TENM3: variants seen among roughly 807,000 people sequenced by gnomAD.
The protein encoded by TENM3 is teneurin transmembrane protein 3, also known as teneurin-3.
A neutral mutation model predicts 255.1 loss-of-function variants in TENM3; 63 were observed. The ratio of observed to expected loss-of-function variants is 0.25; its 90% CI spans 0.20 to 0.30. The LOEUF (loss-of-function observed/expected upper bound fraction) is 0.30, where lower values mean the gene tolerates loss of function less well. Ranked by LOEUF, TENM3 falls within the 10% of genes least tolerant of loss-of-function variation. The probability of loss-of-function intolerance (pLI) is 1.00; values close to 1 mark genes in which losing one functional copy is unlikely to be tolerated. For synonymous variants in TENM3, 1,306 were observed against 1,322.3 expected (o/e 0.99, Z 0.27); for missense variants, 2,929 against 3,461.1 (o/e 0.85, Z 3.86).
At chr4:181,531,712 G>T in the TENM3 span, among the ~76,000 whole-genome samples, 1 of 152,190 alleles carries the variant, frequency 6.6e-6, no homozygotes. Context: ...GAGAAGCCCA[G>T]GATGCTGTGG....
chr4:181,611,424 T>C, the TENM3 span, among the ~76,000 whole-genome samples: 3 of 152,206 alleles, frequency 2.0e-5, no homozygotes, highest in Non-Finnish European at 4.4e-5. Flanking sequence ...GTCAGACTTT[T>C]ATTCCTCCTC....
At chr4:182,027,351 G>T in the TENM3 span, among the ~76,000 whole-genome samples, 71 of 152,132 alleles carry the variant, frequency 4.7e-4, no homozygotes, top group Middle Eastern at 0.014. Context: ...CTGGATTTGT[G>T]TATCAGTTCT....
At chr4:181,941,971 A>G in the TENM3 span, among the ~76,000 whole-genome samples, 1 of 152,162 alleles carries the variant, frequency 6.6e-6, no homozygotes, top group African/African-American at 2.4e-5. Context: ...CAGAACACCT[A>G]AAAAACAACA....
At chr4:181,549,983 C>G in the TENM3 span, among the ~76,000 whole-genome samples, 2 of 152,002 alleles carry the variant, frequency 1.3e-5, no homozygotes, top group Non-Finnish European at 2.9e-5. Context: ...TAATGTGTCT[C>G]GTCAGCATTT....
chr4:181,782,450 T>A, the TENM3 span, among the ~76,000 whole-genome samples: 108 of 152,364 alleles, frequency 7.1e-4, no homozygotes, highest in Admixed American at 1.1e-3. Flanking sequence ...CGTATTTCTG[T>A]GGGATCGGTG....
In TENM3 at chr4:182,792,750, A is replaced by C; in HGVS notation, c.6078A>C (p.Arg2026=). The change falls in exon 26 of 28, where the codon CGA becomes CGC. Residue 2026 remains arginine, a synonymous_variant. Coordinates refer to ENST00000511685, the MANE Select transcript of TENM3 (RefSeq NM_001080477.4). This position sits in a 1 kb window ranked among gnomAD's most constrained non-coding sequence, Gnocchi z 6.3. ...RFDYSYDNSF[R]VTSMQGVINE... Reference sequence around the variant, plus strand: ...ACTATAGCTATGACAACAGCTTTCGAGTGACCAGCATGCAGGGTGTGATCA... The same window carrying C: ...ACTATAGCTATGACAACAGCTTTCGCGTGACCAGCATGCAGGGTGTGATCA... The C allele has an allele frequency of 1.2e-6, 2 of 1,613,970 alleles. No individual in the cohort carries two copies. The highest frequency in any genetic ancestry group is 1.3e-5 in the African/African-American group (1 of 75,054).
the TENM3 span, among the ~76,000 whole-genome samples, chr4:181,521,656 T>A: frequency 6.6e-6 from 1 of 152,208 alleles, no homozygotes; most frequent in African/African-American, 2.4e-5. Context: ...CACTAGTCTC[T>A]AACTATAAAT....
chr4:181,685,063 C>T, the TENM3 span, among the ~76,000 whole-genome samples: 10 of 151,816 alleles, frequency 6.6e-5, no homozygotes, highest in South Asian at 2.1e-3. Context: ...TGCACCTGGC[C>T]AATGCTTGTT....
the TENM3 span, among the ~76,000 whole-genome samples, chr4:181,699,538 G>C: frequency 3.4e-5 from 5 of 145,670 alleles, no homozygotes; most frequent in South Asian, 1.1e-3. Context: ...ACAATTTATA[G>C]AGACTAATTA....
intron 3 of TENM3, among the ~76,000 whole-genome samples, chr4:182,421,640 A>G (rs986538526): frequency 9.8e-5 from 15 of 152,334 alleles, no homozygotes; most frequent in African/African-American, 2.6e-4. Context: ...GGGAGAATCA[A>G]AGAAAACTCA....
chr4:182,197,147 G>C (rs1753879555), intron 1 of TENM3, among the ~76,000 whole-genome samples: 1 of 152,132 alleles, frequency 6.6e-6, no homozygotes, highest in South Asian at 2.1e-4. Context: ...ATAATAAGCT[G>C]TGTTTCTATT....
the TENM3 span, among the ~76,000 whole-genome samples, chr4:181,605,294 GA>G: frequency 6.6e-6 from 1 of 150,618 alleles, no homozygotes; most frequent in South Asian, 2.1e-4. Context: ...AAAGAAAAAA[GA>G]AAAAAAAGAA....
At chr4:182,212,662 C>T (rs1579744910) in intron 1 of TENM3, among the ~76,000 whole-genome samples, 1 of 152,236 alleles carries the variant, frequency 6.6e-6, no homozygotes, top group South Asian at 2.1e-4. Context: ...TGCTTGCCTC[C>T]CTTAAAGCTG....
chr4:182,682,375 C>A (rs1223215499), intron 11 of TENM3, among the ~76,000 whole-genome samples: 1 of 151,780 alleles, frequency 6.6e-6, no homozygotes, highest in South Asian at 2.1e-4. Context: ...AGGGAAGGCT[C>A]AATTTAAAAA....
chr4:182,225,161 A>G (rs1458726766), intron 1 of TENM3, among the ~76,000 whole-genome samples: 7 of 152,222 alleles, frequency 4.6e-5, no homozygotes, highest in African/African-American at 1.7e-4. Flanking sequence ...TAAATGAAAC[A>G]AACTCTGAAA....
chr4:181,763,312 A>G, the TENM3 span, among the ~76,000 whole-genome samples: 4 of 152,168 alleles, frequency 2.6e-5, no homozygotes, highest in African/African-American at 9.6e-5. Context: ...CATCATCATC[A>G]TGTTAATCCT....
chr4:181,742,237 T>A, the TENM3 span, among the ~76,000 whole-genome samples: 1 of 152,156 alleles, frequency 6.6e-6, no homozygotes, highest in Non-Finnish European at 1.5e-5. Flanking sequence ...CAATATAATT[T>A]GTGTTGTTAT....
the TENM3 span, among the ~76,000 whole-genome samples, chr4:181,530,179 T>C: frequency 6.6e-6 from 1 of 152,158 alleles, no homozygotes; most frequent in Non-Finnish European, 1.5e-5. Context: ...TCAGTGATCA[T>C]AAAAAAACAT....
At chr4:182,653,291 T>C (rs1514473) in intron 5 of TENM3, among the ~76,000 whole-genome samples, 6,948 of 152,268 alleles carry the variant, frequency 0.046, 195 homozygotes, top group African/African-American at 0.065. Flanking sequence ...CTGAATTTCA[T>C]GTACCAACAA....
Sources: gnomAD v4.1 joint callset for allele counts (sites outside exome capture counted in the v4.1 genomes callset) on GRCh38, gnomAD v4.1.1 for gene constraint, Gnocchi (gnomAD v3.1) non-coding constraint, MANE v1.5 for transcripts, NCBI Gene and HGNC (gene_info 2026-07-23, HGNC 2026-07-21) for gene names.